ZPBP: variants seen among roughly 807,000 people sequenced by gnomAD.
ZPBP encodes zona pellucida-binding protein 1.
Under a neutral mutation model 44.8 loss-of-function variants are expected in ZPBP, and 26 were observed. That is an observed-to-expected ratio of 0.58 (90% confidence interval 0.43 to 0.81). The LOEUF (loss-of-function observed/expected upper bound fraction) is 0.81, where lower values mean the gene tolerates loss of function less well. Ranked by LOEUF, ZPBP falls within the 30% of genes least tolerant of loss-of-function variation. The probability of loss-of-function intolerance (pLI) is 0.00; values close to 1 mark genes in which losing one functional copy is unlikely to be tolerated. For synonymous variants in ZPBP, 174 were observed against 153.2 expected (o/e 1.14, Z -1.00); for missense variants, 409 against 434.0 (o/e 0.94, Z 0.51).
intron 1 of ZPBP, among the ~76,000 whole-genome samples, chr7:49,906,384 G>C (rs1793092340): frequency 6.6e-6 from 1 of 152,080 alleles, no homozygotes; most frequent in African/African-American, 2.4e-5. Context: ...GCCCAGGCTG[G>C]AGTGCAGTGG....
intron 5 of ZPBP, among the ~76,000 whole-genome samples, chr7:50,022,577 C>T (rs1006619703): frequency 2.6e-5 from 4 of 151,178 alleles, no homozygotes; most frequent in Non-Finnish European, 4.4e-5. Flanking sequence ...TAATGAAACA[C>T]AAAAGAAGGT....
chr7:50,014,385 C>T (rs1480427344), intron 6 of ZPBP, among the ~76,000 whole-genome samples: 1 of 150,094 alleles, frequency 6.7e-6, no homozygotes, highest in Non-Finnish European at 1.5e-5. Flanking sequence ...TAAGGACTGA[C>T]AAAACAGAGA....
chr7:49,997,694 C>T (rs1176766297), intron 6 of ZPBP, among the ~76,000 whole-genome samples: 2 of 152,146 alleles, frequency 1.3e-5, no homozygotes, highest in African/African-American at 4.8e-5. Flanking sequence ...AAGGCAGATA[C>T]CACCATTGGA....
chr7:49,945,940 A>G (rs1207960057), intron 7 of ZPBP, among the ~76,000 whole-genome samples: 2 of 151,830 alleles, frequency 1.3e-5, no homozygotes, highest in Non-Finnish European at 2.9e-5. Flanking sequence ...CCTTTTAGTG[A>G]AGGTGATTTT....
At chr7:50,071,763 C>T (rs1469321101) in intron 3 of ZPBP, among the ~76,000 whole-genome samples, 1 of 152,238 alleles carries the variant, frequency 6.6e-6, no homozygotes, top group African/African-American at 2.4e-5. Flanking sequence ...CTAGACATAC[C>T]CTGGGCCAGA....
chr7:49,868,926 T>A (rs928768116), intron 2 of ZPBP, among the ~76,000 whole-genome samples: 1 of 152,208 alleles, frequency 6.6e-6, no homozygotes, highest in Non-Finnish European at 1.5e-5. Flanking sequence ...GCCTGGGAGA[T>A]CTTTAAAAAT....
At chr7:49,910,497 A>G (rs1583818675) in intron 1 of ZPBP, among the ~76,000 whole-genome samples, 1 of 152,210 alleles carries the variant, frequency 6.6e-6, no homozygotes, top group East Asian at 1.9e-4. Context: ...TTTAGGATGC[A>G]GTAATTACCA....
At chr7:49,930,390 C>T (rs1359556705) in intron 1 of ZPBP, among the ~76,000 whole-genome samples, 1 of 152,116 alleles carries the variant, frequency 6.6e-6, no homozygotes, top group Non-Finnish European at 1.5e-5. Flanking sequence ...CAAACTCCGG[C>T]AAATTAAATA....
Position 49,954,147 on chromosome 7 carries a change from A to T in ZPBP, c.962-16525T>A, listed in dbSNP as rs1358707277. The stretch of plus-strand genomic sequence containing the variant: ...GGAACAGAAATAAGCGCATATATCC[A>T]TGACCAGCTCATTATTTATAAGGGT... On this transcript the variant is annotated intron_variant, in intron 7 of 7. Transcript: ENST00000046087. Among the ~76,000 whole-genome samples the T allele has an allele frequency of 2.6e-5, 4 of 152,202 alleles. No individual in the cohort carries two copies. In the East Asian group the frequency reaches 5.8e-4, roughly 22 times the overall value.
chr7:49,878,475 G>C (rs1380370597), intron 2 of ZPBP, among the ~76,000 whole-genome samples: 1 of 152,060 alleles, frequency 6.6e-6, no homozygotes, highest in African/African-American at 2.4e-5. Context: ...TAATGTATTT[G>C]CTCAATACCT....
intron 6 of ZPBP, among the ~76,000 whole-genome samples, chr7:50,016,996 C>G (rs1343264663): frequency 4.6e-5 from 7 of 152,072 alleles, no homozygotes; most frequent in African/African-American, 1.7e-4. Context: ...TTTTTGGCAG[C>G]AGGGACTGGT....
intron 7 of ZPBP, among the ~76,000 whole-genome samples, chr7:49,948,717 C>T (rs144200118): frequency 6.6e-6 from 1 of 152,194 alleles, no homozygotes; most frequent in Non-Finnish European, 1.5e-5. Context: ...TGGAAAATAA[C>T]TAGTGTTGGT....
chr7:49,841,302 C>T, the ZPBP span, among the ~76,000 whole-genome samples: 890 of 132,804 alleles, frequency 6.7e-3, 12 homozygotes, highest in African/African-American at 0.024. Flanking sequence ...AAGATGTTTA[C>T]ACATTACTTT....
intron 1 of ZPBP, among the ~76,000 whole-genome samples, chr7:49,904,718 G>A (rs1792986928): frequency 6.7e-6 from 1 of 149,982 alleles, no homozygotes; most frequent in Non-Finnish European, 1.5e-5. Flanking sequence ...GGAAAAAATA[G>A]CAACATAGCA....
downstream of ZPBP, among the ~76,000 whole-genome samples, chr7:49,848,667 G>A (rs909334726): frequency 2.0e-5 from 3 of 152,278 alleles, no homozygotes; most frequent in Admixed American, 6.5e-5. Context: ...ATTGACTGTC[G>A]TTTCTCACCT....
chr7:49,955,599 A>G lies in ZPBP; in HGVS notation c.962-17977T>C, dbSNP rs185938226. ...AAGAAGAGCACATTAATTTTCAGAT[A>G]AGAAAGGAAAGACTTCAGAAACCAT... On this transcript the variant is annotated intron_variant, in intron 7 of 7. Transcript: ENST00000046087. 6.6e-5 allele frequency among the ~76,000 whole-genome samples: 10 copies of G among 152,210 alleles called. 1 individual carries two copies. The highest frequency in any genetic ancestry group is 6.8e-3 in the Middle Eastern group (2 of 294).
At chr7:49,860,777 C>T (rs557905312) in intron 2 of ZPBP, among the ~76,000 whole-genome samples, 1 of 152,226 alleles carries the variant, frequency 6.6e-6, no homozygotes, top group African/African-American at 2.4e-5. Flanking sequence ...AGGGTGAGGC[C>T]TTAATCTAAT....
intron 7 of ZPBP, among the ~76,000 whole-genome samples, chr7:49,956,555 A>C (rs573123962): frequency 6.6e-6 from 1 of 152,070 alleles, no homozygotes; most frequent in Non-Finnish European, 1.5e-5. Flanking sequence ...ACTCCCTCCA[A>C]AATGAAATAA....
chr7:50,034,481 A>G (rs1433776572), intron 4 of ZPBP, among the ~76,000 whole-genome samples: 1 of 152,094 alleles, frequency 6.6e-6, no homozygotes, highest in Non-Finnish European at 1.5e-5. Context: ...GCCCATCCCA[A>G]CTGAAATGTT....
Sources: allele counts gnomAD v4.1 joint callset (sites outside exome capture counted in the v4.1 genomes callset), GRCh38; gene constraint gnomAD v4.1.1; transcripts MANE v1.5; gene names NCBI Gene and HGNC (gene_info 2026-07-23, HGNC 2026-07-21).